Variants in LNX1 observed in about 807,000 individuals in gnomAD.
LNX1 encodes E3 ubiquitin-protein ligase LNX.
In LNX1, 54 loss-of-function variants were observed where a neutral mutation model predicts 68.4. That is an observed-to-expected ratio of 0.79 (90% CI 0.63 to 0.99). LNX1 has a LOEUF of 0.99. Among genes scored for constraint, LNX1 ranks in the 50% least tolerant of loss-of-function variants. The pLI is 0.00. For synonymous variants in LNX1, 336 were observed against 350.0 expected, an observed-to-expected ratio of 0.96 and a Z score of 0.45; for missense variants, 906 against 926.4, an observed-to-expected ratio of 0.98 and a Z score of 0.29.
rs1560604682 is a variant in LNX1, at chr4:53,461,485, G to GA, written c.2000dup (p.Ile668HisfsTer6). On this transcript the variant is annotated frameshift_variant, in exon 10 of 11. Transcript: ENST00000263925. LOFTEE classifies it high-confidence loss of function. Reference sequence around the variant, plus strand: ...GTGTTCCTTCAACAATGGATTTGATGAAAAAAGGTTTGTTTCCATTGTATT... The same window carrying GA: ...GTGTTCCTTCAACAATGGATTTGATGAAAAAAAGGTTTGTTTCCATTGTATT... 2 of 1,612,206 alleles carry GA rather than the reference G, an allele frequency of 1.2e-6. No individual in the cohort carries two copies. The highest frequency in any genetic ancestry group is 3.3e-5 in the Admixed American group (2 of 59,814).
intron 4 of LNX1, among the ~76,000 whole-genome samples, chr4:53,505,187 G>C (rs905261596): frequency 1.3e-5 from 2 of 152,054 alleles, no homozygotes; most frequent in African/African-American, 4.8e-5. Context: ...ACAGCACCTA[G>C]GCCGGTGCCT....
At chr4:53,565,183 C>T (rs1370350205) in intron 2 of LNX1, among the ~76,000 whole-genome samples, 4 of 152,138 alleles carry the variant, frequency 2.6e-5, no homozygotes, top group African/African-American at 7.2e-5. Flanking sequence ...GTAGGCTCCA[C>T]CTCTGGGGGC....
intron 1 of LNX1, among the ~76,000 whole-genome samples, chr4:53,643,668 G>A (rs758646118): frequency 6.6e-6 from 1 of 152,164 alleles, no homozygotes; most frequent in African/African-American, 2.4e-5. Flanking sequence ...CCCTCCTGTT[G>A]AGAGCTTTGG....
intron 2 of LNX1, among the ~76,000 whole-genome samples, chr4:53,533,971 G>T (rs1012701726): frequency 1.3e-5 from 2 of 152,224 alleles, no homozygotes; most frequent in African/African-American, 4.8e-5. Flanking sequence ...GACACATCAA[G>T]GTGCCAGGGC....
chr4:53,537,149 G>C (rs1014513873), intron 2 of LNX1, among the ~76,000 whole-genome samples: 1 of 152,158 alleles, frequency 6.6e-6, no homozygotes, highest in South Asian at 2.1e-4. Context: ...TTAATTTGCC[G>C]TAAGACATAT....
rs1339184615 is a variant in LNX1 at position 53,576,073 on chromosome 4, G to T, written c.-86-1985C>A. On this transcript the variant is annotated intron_variant, in intron 1 of 10. Transcript: ENST00000263925. ...GCTCCAGGAACTCTGCATCCCCCAA[G>T]ACCTGGTCGGGGACTTGGCCAGCGT... 22 of 1,556,204 alleles carry T rather than the reference G, an allele frequency of 1.4e-5. No individual in the cohort carries two copies. The East Asian group carries it at 4.4e-4, about 31-fold the overall frequency.
At chr4:53,595,817 C>T (rs1241777731), upstream of LNX1, among the ~76,000 whole-genome samples, 5 of 152,272 alleles carry the variant, frequency 3.3e-5, no homozygotes, top group South Asian at 4.2e-4. Flanking sequence ...GAACCTACAG[C>T]GAAGACCATG....
At chr4:53,503,539 C>T (rs1394682579) in intron 4 of LNX1, among the ~76,000 whole-genome samples, 1 of 152,138 alleles carries the variant, frequency 6.6e-6, no homozygotes, top group Non-Finnish European at 1.5e-5. Context: ...GAGTAATAGG[C>T]CTCAACAGTG....
At chr4:53,646,128 G>A (rs540284271) in intron 1 of LNX1, among the ~76,000 whole-genome samples, 21 of 152,052 alleles carry the variant, frequency 1.4e-4, no homozygotes, top group Non-Finnish European at 2.4e-4. Flanking sequence ...ATCCATACCT[G>A]GTTTGTATTT....
intron 2 of LNX1, among the ~76,000 whole-genome samples, chr4:53,521,138 G>A (rs1445235723): frequency 6.6e-6 from 1 of 152,096 alleles, no homozygotes; most frequent in Admixed American, 6.6e-5. Flanking sequence ...TGGTGGTGAG[G>A]GTTTCTAGAA....
At chr4:53,582,391 A>C (rs1193700092) in intron 1 of LNX1, among the ~76,000 whole-genome samples, 2 of 152,206 alleles carry the variant, frequency 1.3e-5, no homozygotes, top group African/African-American at 4.8e-5. Context: ...GCCAGGTCTC[A>C]CAAAAGATCA....
At chr4:53,544,588 G>C (rs1430408213) in intron 2 of LNX1, among the ~76,000 whole-genome samples, 2 of 152,224 alleles carry the variant, frequency 1.3e-5, no homozygotes, top group African/African-American at 4.8e-5. Context: ...GCCAAAAGGT[G>C]GGTACTTCAG....
At position 53,478,626 on chromosome 4, in the gene LNX1, A is replaced by G; in HGVS notation, c.1602T>C (p.Pro534=). The G allele has an allele frequency of 6.2e-7, 1 of 1,614,142 alleles. No individual in the cohort carries two copies. The highest frequency in any genetic ancestry group is 1.6e-4 in the Middle Eastern group (1 of 6,062). Residue 534 remains proline (P), a synonymous_variant, in exon 8 of 11, where the codon CCT becomes CCC. Transcript: ENST00000263925. ...GGASHREWDL[P]IYVISVEPGG... The stretch of plus-strand genomic sequence containing the variant: ...CGGGCTCAACACTGATGACATAGAT[A>G]GGCAAATCCCATTCTCTATGTGATG...
chr4:53,617,603 A>G (rs780851611), upstream of LNX1: 3 of 152,198 alleles, frequency 2.0e-5, no homozygotes, highest in Non-Finnish European at 2.9e-5. Context: ...TTTTTATACA[A>G]CCTTGTTGGT....
intron 10 of LNX1, 21 bp downstream of exon 10, chr4:53,461,414 T>C (rs1432130289): frequency 8.3e-6 from 13 of 1,561,970 alleles, no homozygotes; most frequent in Non-Finnish European, 1.1e-5. Context: ...ACAAGTATTT[T>C]TGATTAGTCA....
chr4:53,553,234 A>G (rs1463954359), intron 2 of LNX1, among the ~76,000 whole-genome samples: 2 of 152,182 alleles, frequency 1.3e-5, no homozygotes, highest in Non-Finnish European at 2.9e-5. Context: ...AGGGAAAGTC[A>G]GGGTAAGTTG....
chr4:53,532,347 G>T (rs553497151), intron 2 of LNX1, among the ~76,000 whole-genome samples: 1 of 152,136 alleles, frequency 6.6e-6, no homozygotes, highest in African/African-American at 2.4e-5. Flanking sequence ...GTGTTGGCAC[G>T]CACTGTAGCC....
intron 2 of LNX1, among the ~76,000 whole-genome samples, chr4:53,596,792 T>C (rs1732773447): frequency 6.6e-6 from 1 of 152,176 alleles, no homozygotes; most frequent in South Asian, 2.1e-4. Context: ...CCCCCTATTA[T>C]AATGACAATG....
At chr4:53,472,770 T>C (rs1205115079) in intron 9 of LNX1, among the ~76,000 whole-genome samples, 1 of 148,464 alleles carries the variant, frequency 6.7e-6, no homozygotes, top group Non-Finnish European at 1.5e-5. Context: ...CAAAGGTGTA[T>C]GAAAGCAGAT....
Sources: gnomAD v4.1 joint callset for allele counts (sites outside exome capture counted in the v4.1 genomes callset) on GRCh38, gnomAD v4.1.1 for gene constraint, MANE v1.5 for transcripts, NCBI Gene and HGNC (gene_info 2026-07-23, HGNC 2026-07-21) for gene names.